Variants in GPHN observed in about 807,000 individuals in gnomAD.
GPHN encodes the protein gephyrin.
A neutral mutation model predicts 95.5 loss-of-function variants in GPHN; 17 were observed. The ratio of observed to expected loss-of-function variants is 0.18; its 90% confidence interval spans 0.12 to 0.27. The LOEUF is 0.27. Ranked by LOEUF, GPHN falls within the 10% of genes least tolerant of loss-of-function variation. The pLI is 1.00. For synonymous variants in GPHN, 320 were observed against 322.5 expected, an observed-to-expected ratio of 0.99 and a Z score of 0.08; for missense variants, 660 against 978.1, an observed-to-expected ratio of 0.67 and a Z score of 4.34.
the GPHN span, among the ~76,000 whole-genome samples, chr14:67,234,132 A>T: frequency 3.3e-5 from 5 of 152,354 alleles, no homozygotes; most frequent in South Asian, 4.1e-4. Flanking sequence ...TACTTTTATT[A>T]TACTCATTTT....
the GPHN span, chr14:67,337,954 T>A: frequency 2.0e-5 from 3 of 152,164 alleles, no homozygotes; most frequent in African/African-American, 7.2e-5. Flanking sequence ...CTCTAATACA[T>A]GGAGTGGGAA....
At chr14:67,319,834 T>C in the GPHN span, among the ~76,000 whole-genome samples, 1 of 152,228 alleles carries the variant, frequency 6.6e-6, no homozygotes, top group Non-Finnish European at 1.5e-5. Flanking sequence ...ATTCAGCGTA[T>C]ACATTATGTC....
chr14:67,213,975 A>T, the GPHN span, among the ~76,000 whole-genome samples: 14 of 152,118 alleles, frequency 9.2e-5, no homozygotes, highest in African/African-American at 3.4e-4. Flanking sequence ...TTTGAGAAGT[A>T]TCTGTTCATG....
At chr14:67,573,508 G>A in the GPHN span, 1 of 707,218 alleles carries the variant, frequency 1.4e-6, no homozygotes. The surrounding 1 kb of genome is among the most constrained non-coding windows in gnomAD (Gnocchi z 4.8). Flanking sequence ...TCTGGCAGGT[G>A]GGGAGAGGCA....
chr14:67,350,693 G>A, the GPHN span: 1 of 1,612,528 alleles, frequency 6.2e-7, no homozygotes, highest in East Asian at 2.2e-5. Context: ...ATTTTAGTCT[G>A]GAAAAGCATA....
intron 21 of GPHN, among the ~76,000 whole-genome samples, chr14:67,172,782 A>G (rs1258244146): frequency 2.6e-5 from 4 of 152,166 alleles, no homozygotes; most frequent in Admixed American, 2.0e-4. Context: ...AAATGACAGC[A>G]GTGCTCCACC....
chr14:67,502,391 G>A, the GPHN span, among the ~76,000 whole-genome samples: 59,200 of 149,812 alleles, frequency 0.4, 13,304 homozygotes, highest in South Asian at 0.54. Flanking sequence ...CCAAACTTTT[G>A]TTATAAACTT....
intron 1 of GPHN, among the ~76,000 whole-genome samples, chr14:66,638,456 A>G (rs1489260806): frequency 6.6e-6 from 1 of 150,964 alleles, no homozygotes; most frequent in Non-Finnish European, 1.5e-5. Context: ...AACAACAACG[A>G]CAACAACAAC....
intron 2 of GPHN, among the ~76,000 whole-genome samples, chr14:66,753,204 A>G (rs916569298): frequency 6.6e-6 from 1 of 151,982 alleles, no homozygotes; most frequent in Non-Finnish European, 1.5e-5. Context: ...GTTGTTACCA[A>G]TGGATAGAGC....
the GPHN span, among the ~76,000 whole-genome samples, chr14:67,693,515 A>C: frequency 6.2e-5 from 9 of 145,566 alleles, no homozygotes; most frequent in Non-Finnish European, 1.2e-4. Flanking sequence ...CAAAATAAAC[A>C]AGAAAAAAAA....
intron 9 of GPHN, among the ~76,000 whole-genome samples, chr14:66,987,588 A>G (rs1344651886): frequency 6.6e-6 from 1 of 152,118 alleles, no homozygotes; most frequent in Non-Finnish European, 1.5e-5. Context: ...TGTTTGGGAA[A>G]GAAAGTCAAA....
At chr14:66,663,003 G>T (rs1452543976) in intron 1 of GPHN, among the ~76,000 whole-genome samples, 1 of 152,088 alleles carries the variant, frequency 6.6e-6, no homozygotes, top group Non-Finnish European at 1.5e-5. Context: ...ATGACTGATT[G>T]GTGTACCTGA....
chr14:67,666,796 G>A, the GPHN span, among the ~76,000 whole-genome samples: 10 of 152,156 alleles, frequency 6.6e-5, no homozygotes, highest in African/African-American at 2.4e-4. Context: ...TGGAATGCAA[G>A]TGTGCTGACT....
chr14:67,702,714 T>C, the GPHN span, among the ~76,000 whole-genome samples: 2 of 152,366 alleles, frequency 1.3e-5, no homozygotes, highest in Non-Finnish European at 2.9e-5. Context: ...TATAAGTCAA[T>C]TGGGTATCAT....
At chr14:67,049,669 C>T (rs953004100) in intron 10 of GPHN, among the ~76,000 whole-genome samples, 1 of 152,018 alleles carries the variant, frequency 6.6e-6, no homozygotes. Flanking sequence ...TGCGCCACCA[C>T]GACCAGCTAA....
At chr14:66,664,411 G>T (rs2065832225) in intron 1 of GPHN, among the ~76,000 whole-genome samples, 1 of 152,048 alleles carries the variant, frequency 6.6e-6, no homozygotes, top group Admixed American at 6.6e-5. Flanking sequence ...AATTAAGATG[G>T]AAATCAAGTT....
chr14:66,833,941 A>G (rs1301531261), intron 4 of GPHN, among the ~76,000 whole-genome samples: 1 of 152,180 alleles, frequency 6.6e-6, no homozygotes, highest in Non-Finnish European at 1.5e-5. Context: ...GAGTTTGAAG[A>G]GAACAAAGAC....
At chr14:67,046,016 A>G (rs1481094479) in intron 10 of GPHN, among the ~76,000 whole-genome samples, 1 of 152,168 alleles carries the variant, frequency 6.6e-6, no homozygotes, top group East Asian at 1.9e-4. Flanking sequence ...TAGAGACCCA[A>G]CCCTAAAATC....
intron 5 of GPHN, among the ~76,000 whole-genome samples, chr14:66,882,941 G>T (rs1182816278): frequency 6.6e-6 from 1 of 150,596 alleles, no homozygotes; most frequent in African/African-American, 2.4e-5. Context: ...AATTCAAATT[G>T]CTGTTTCCTT....
Sources: gnomAD v4.1 joint callset for allele counts (sites outside exome capture counted in the v4.1 genomes callset) on GRCh38, gnomAD v4.1.1 for gene constraint, Gnocchi (gnomAD v3.1) non-coding constraint, MANE v1.5 for transcripts, NCBI Gene and HGNC (gene_info 2026-07-23, HGNC 2026-07-21) for gene names.